Variants in CNTNAP2 observed in about 807,000 individuals in gnomAD.
The protein encoded by CNTNAP2 is contactin associated protein 2.
A neutral mutation model predicts 155.2 loss-of-function variants in CNTNAP2; 98 were observed. The observed-to-expected ratio is 0.63, with a 90% CI of 0.54 to 0.75. The LOEUF (loss-of-function observed/expected upper bound fraction) is 0.75, where lower values mean the gene tolerates loss of function less well. Ranked by LOEUF, CNTNAP2 falls within the 30% of genes least tolerant of loss-of-function variation. CNTNAP2 has a pLI of 0.00. For synonymous variants in CNTNAP2, 651 were observed against 631.2 expected (o/e 1.03, Z -0.47); for missense variants, 1,727 against 1,688.1 (o/e 1.02, Z -0.40).
At chr7:148,207,420 C>A (rs1465515474) in intron 18 of CNTNAP2, among the ~76,000 whole-genome samples, 1 of 152,182 alleles carries the variant, frequency 6.6e-6, no homozygotes, top group Admixed American at 6.5e-5. Context: ...GGACCAAGAG[C>A]GTTAGTCACT....
At chr7:147,411,461 T>C (rs1318480140) in intron 10 of CNTNAP2, among the ~76,000 whole-genome samples, 2 of 152,202 alleles carry the variant, frequency 1.3e-5, no homozygotes, top group African/African-American at 2.4e-5. Flanking sequence ...TCCAGGCAAA[T>C]CTGAAGTTTA....
intron 8 of CNTNAP2, among the ~76,000 whole-genome samples, chr7:147,218,876 A>G (rs1803332303): frequency 6.6e-6 from 1 of 152,206 alleles, no homozygotes; most frequent in Non-Finnish European, 1.5e-5. Flanking sequence ...CAATTCTATC[A>G]GTTTTTGCCT....
intron 1 of CNTNAP2, among the ~76,000 whole-genome samples, chr7:146,643,311 G>T (rs1324101474): frequency 5.3e-5 from 8 of 151,514 alleles, no homozygotes; most frequent in African/African-American, 1.5e-4. Context: ...TTTAAGTCTT[G>T]AATCCATCTT....
intron 8 of CNTNAP2, among the ~76,000 whole-genome samples, chr7:147,185,199 T>C (rs528665294): frequency 3.6e-4 from 54 of 152,052 alleles, no homozygotes; most frequent in Non-Finnish European, 6.2e-4. Context: ...AGAAGTAATA[T>C]AAATAAGAAC....
intron 8 of CNTNAP2, among the ~76,000 whole-genome samples, chr7:147,141,497 A>AGTG (rs1801596824): frequency 6.6e-6 from 1 of 152,096 alleles, no homozygotes; most frequent in African/African-American, 2.4e-5. Flanking sequence ...AAGCCATTTA[A>AGTG]TGCTTGGAAC....
intron 1 of CNTNAP2, among the ~76,000 whole-genome samples, chr7:146,495,032 G>A (rs1056022363): frequency 1.3e-4 from 20 of 152,192 alleles, no homozygotes; most frequent in African/African-American, 4.8e-4. Flanking sequence ...CAGAAGCCAT[G>A]GAGTTTTATA....
intron 1 of CNTNAP2, among the ~76,000 whole-genome samples, chr7:146,469,724 C>T (rs969990446): frequency 3.4e-4 from 51 of 151,808 alleles, no homozygotes; most frequent in African/African-American, 1.2e-3. Flanking sequence ...GACAGGTTTT[C>T]TCCATGTTGG....
intron 3 of CNTNAP2, among the ~76,000 whole-genome samples, chr7:146,976,621 C>T (rs544780704): frequency 5.9e-5 from 9 of 152,176 alleles, no homozygotes; most frequent in African/African-American, 1.9e-4. Context: ...GCTTCCATGC[C>T]CTCTTTGGGG....
chr7:147,574,696 G>A (rs186061039), intron 12 of CNTNAP2, among the ~76,000 whole-genome samples: 476 of 152,126 alleles, frequency 3.1e-3, no homozygotes, highest in Non-Finnish European at 4.5e-3. Context: ...TGGGGAAAGA[G>A]GTCTAACAGC....
At chr7:147,987,491 T>C (rs565223191) in intron 15 of CNTNAP2, among the ~76,000 whole-genome samples, 72 of 152,294 alleles carry the variant, frequency 4.7e-4, no homozygotes, top group African/African-American at 1.7e-3. Flanking sequence ...TTAACGTGAA[T>C]GAGCTGATGC....
intron 2 of CNTNAP2, among the ~76,000 whole-genome samples, chr7:146,826,466 T>C (rs904670898): frequency 4.6e-5 from 7 of 152,096 alleles, no homozygotes; most frequent in Admixed American, 4.6e-4. Flanking sequence ...AGCAGGCCTG[T>C]GCCAAGATTC....
intron 1 of CNTNAP2, among the ~76,000 whole-genome samples, chr7:146,121,395 T>C (rs1797561631): frequency 6.6e-6 from 1 of 152,142 alleles, no homozygotes; most frequent in Non-Finnish European, 1.5e-5. Flanking sequence ...GTATTTGTTG[T>C]AAATGGTATA....
intron 1 of CNTNAP2, among the ~76,000 whole-genome samples, chr7:146,218,260 A>G (rs535860257): frequency 6.6e-5 from 10 of 152,232 alleles, no homozygotes; most frequent in Non-Finnish European, 1.2e-4. Flanking sequence ...CTGTAATCCC[A>G]GCACTTTGGG....
intron 1 of CNTNAP2, among the ~76,000 whole-genome samples, chr7:146,512,277 G>A (rs1053208442): frequency 1.1e-4 from 16 of 150,568 alleles, no homozygotes; most frequent in Admixed American, 8.6e-4. Flanking sequence ...TTTTAGTCTC[G>A]ATTTCATTTA....
intron 3 of CNTNAP2, among the ~76,000 whole-genome samples, chr7:146,967,988 A>G (rs966925567): frequency 8.4e-5 from 12 of 143,344 alleles, no homozygotes; most frequent in African/African-American, 2.7e-4. Context: ...CGTCCCATCA[A>G]TACCTAATTT....
At chr7:146,765,437 C>T (rs994371251) in intron 1 of CNTNAP2, among the ~76,000 whole-genome samples, 14 of 152,176 alleles carry the variant, frequency 9.2e-5, no homozygotes, top group Admixed American at 6.5e-4. Context: ...GAAGTGAATA[C>T]ATCTCAATAG....
chr7:147,800,357 G>A (rs191633643), intron 13 of CNTNAP2, among the ~76,000 whole-genome samples: 15 of 152,018 alleles, frequency 9.9e-5, no homozygotes, highest in Non-Finnish European at 1.5e-5. Context: ...ACTGCAAGGA[G>A]GAAATGAGAT....
chr7:146,952,348 A>G (rs1370584946), intron 3 of CNTNAP2, among the ~76,000 whole-genome samples: 1 of 152,198 alleles, frequency 6.6e-6, no homozygotes, highest in Admixed American at 6.5e-5. Flanking sequence ...AGTTGGAAGC[A>G]TTCCATTTGA....
chr7:147,614,974 C>T (rs565922545), intron 12 of CNTNAP2, among the ~76,000 whole-genome samples: 1 of 151,094 alleles, frequency 6.6e-6, no homozygotes, highest in African/African-American at 2.4e-5. Context: ...GAATTCAAGC[C>T]ACATGTGATG....
Sources: gnomAD v4.1 joint callset for allele counts (sites outside exome capture counted in the v4.1 genomes callset) on GRCh38, gnomAD v4.1.1 for gene constraint, MANE v1.5 for transcripts, NCBI Gene and HGNC (gene_info 2026-07-23, HGNC 2026-07-21) for gene names.